Variants in HECTD2 observed in about 807,000 individuals in gnomAD.
HECTD2 encodes probable E3 ubiquitin-protein ligase HECTD2.
Under a neutral mutation model 103.2 loss-of-function variants are expected in HECTD2, and 35 were observed. That is an observed-to-expected ratio of 0.34 (90% CI 0.26 to 0.45). The LOEUF (loss-of-function observed/expected upper bound fraction) is 0.45, where lower values mean the gene tolerates loss of function less well. Among genes scored for constraint, HECTD2 ranks in the 20% least tolerant of loss-of-function variants. HECTD2 has a pLI of 1.00. For missense variants in HECTD2, 596 were observed against 937.4 expected (o/e 0.64, Z 4.76); for synonymous variants, 281 against 329.9 (o/e 0.85, Z 1.61).
At chr10:91,435,431 C>T (rs1010998407) in intron 2 of HECTD2, among the ~76,000 whole-genome samples, 4 of 151,936 alleles carry the variant, frequency 2.6e-5, no homozygotes, top group African/African-American at 9.7e-5. Context: ...CTTCATGACC[C>T]CGCTGGCAAG....
At chr10:91,419,086 G>GC (rs1843247476) in intron 1 of HECTD2, among the ~76,000 whole-genome samples, 1 of 152,106 alleles carries the variant, frequency 6.6e-6, no homozygotes, top group South Asian at 2.1e-4. Flanking sequence ...GGAACAGCCA[G>GC]CACTTACTCC....
chr10:91,410,273 C>G (rs1842855428), upstream of HECTD2: 1 of 180,312 alleles, frequency 5.5e-6, no homozygotes, highest in Non-Finnish European at 1.1e-5. Flanking sequence ...CGGCCTCGGG[C>G]TCGCGCGCAA....
intron 3 of HECTD2, 113 bp from the exon 4 acceptor site, chr10:91,461,137 ATTTC>A (rs1247641600): frequency 7.6e-6 from 4 of 524,422 alleles, no homozygotes; most frequent in African/African-American, 4.1e-5. Context: ...ACTGGGACAT[ATTTC>A]TTTATTTGGC....
chr10:91,495,457 A>T, intron 14 of HECTD2, among the ~76,000 whole-genome samples: 1 of 152,006 alleles, frequency 6.6e-6, no homozygotes, highest in East Asian at 1.9e-4. Context: ...TACCCAGCTC[A>T]TATGTTTAGA....
At chr10:91,462,604 A>G in intron 5 of HECTD2, 2 of 1,041,254 alleles carry the variant, frequency 1.9e-6, no homozygotes, top group Non-Finnish European at 2.3e-6. Context: ...ATTTGTAACA[A>G]GTTCCCAGGA....
intron 19 of HECTD2, 37 bp from the exon 20 acceptor site, chr10:91,501,154 A>G: frequency 6.3e-7 from 1 of 1,580,834 alleles, no homozygotes; most frequent in Non-Finnish European, 8.6e-7. Context: ...GATTTTTGTC[A>G]AGACATTTGA....
intron 2 of HECTD2, among the ~76,000 whole-genome samples, chr10:91,426,837 T>G (rs1476249943): frequency 2.6e-5 from 4 of 151,966 alleles, no homozygotes; most frequent in Non-Finnish European, 5.9e-5. Context: ...TTAACCCAAC[T>G]TGAACTTGGG....
At position 91,410,359 on chromosome 10, in the gene HECTD2, C is replaced by G. The variant is rs1842860926; in HGVS notation, c.-80C>G. 1.1e-6 allele frequency: 1 copy of G among 939,826 alleles called. No individual in the cohort carries two copies. Among genetic ancestry groups the G allele is most frequent in the African/African-American group, 1.8e-5 (1 of 56,680 alleles). 58.2% of individuals were successfully genotyped at this position (939,826 alleles called of 1,614,324 possible). ...GCGGCAGCCCAGAGCCCTCTCGCGG[C>G]CGCGGCGGCAGCAGCAGCGCCAGCC... On this transcript the variant is annotated 5_prime_UTR_variant, in exon 1 of 21. Transcript: ENST00000298068.
At chr10:91,508,729 A>G (rs1264981271) in intron 20 of HECTD2, among the ~76,000 whole-genome samples, 5 of 150,382 alleles carry the variant, frequency 3.3e-5, no homozygotes, top group Admixed American at 3.3e-4. Context: ...TTCCTCAGGG[A>G]TCTAGAACTA....
At chr10:91,422,760 C>T (rs554861805) in intron 1 of HECTD2, among the ~76,000 whole-genome samples, 8 of 152,114 alleles carry the variant, frequency 5.3e-5, no homozygotes, top group Non-Finnish European at 1.2e-4. Flanking sequence ...TCTTACCTCT[C>T]TTTTCAATTT....
Position 91,462,175 on chromosome 10 carries a change from A to C in HECTD2, c.591A>C (p.Leu197Phe), listed in dbSNP as rs756945924. The C allele has an allele frequency of 6.3e-7, 1 of 1,575,856 alleles. No individual in the cohort carries two copies. Among genetic ancestry groups the C allele is most frequent in the East Asian group, 2.3e-5 (1 of 44,004 alleles). The change falls in exon 5 of 21, where the codon TTA (leucine) becomes TTC (phenylalanine). Residue 197 changes from leucine to phenylalanine, a missense_variant. Coordinates refer to ENST00000298068, the MANE Select transcript of HECTD2 (RefSeq NM_182765.6). ...AKFVNAVYDTLLNTPQDVQKT... is the reference protein window; with the variant it reads ...AKFVNAVYDTFLNTPQDVQKT... ...TTGTGAATGCTGTGTATGATACCTTACTTAATACTGTAAGTATTATGACAT... is the reference window on the plus strand; with the variant it reads ...TTGTGAATGCTGTGTATGATACCTTCCTTAATACTGTAAGTATTATGACAT...
At chr10:91,441,994 C>T (rs1325633340) in intron 2 of HECTD2, among the ~76,000 whole-genome samples, 2 of 68,008 alleles carry the variant, frequency 2.9e-5, no homozygotes, top group Non-Finnish European at 4.6e-5. Context: ...TGAGATGGGT[C>T]TCCTGAATAC....
intron 2 of HECTD2, among the ~76,000 whole-genome samples, chr10:91,457,477 G>C (rs368456855): frequency 2.4e-4 from 37 of 151,966 alleles, no homozygotes; most frequent in African/African-American, 8.9e-4. Flanking sequence ...ATGACCAAAA[G>C]GTCACTCCAG....
intron 16 of HECTD2, 92 bp downstream of exon 16, chr10:91,498,274 G>A (rs960415918): frequency 4.6e-6 from 4 of 872,954 alleles, no homozygotes; most frequent in Non-Finnish European, 7.6e-6. Flanking sequence ...TAGAAAAGAT[G>A]AACAAGGATT....
chr10:91,493,567 A>T, intron 14 of HECTD2, 59 bp downstream of exon 14: 1 of 902,272 alleles, frequency 1.1e-6, no homozygotes, highest in Middle Eastern at 3.0e-4. Flanking sequence ...TAAAGATTTT[A>T]TCTGTATTTT....
intron 20 of HECTD2, 94 bp downstream of exon 20, chr10:91,501,428 T>TGAA: frequency 1.4e-6 from 1 of 704,172 alleles, no homozygotes; most frequent in African/African-American, 1.8e-5. Context: ...GTACTCCGTT[T>TGAA]GAAGTTATTT....
chr10:91,467,989 T>C (rs1845590225), intron 5 of HECTD2, among the ~76,000 whole-genome samples: 1 of 151,562 alleles, frequency 6.6e-6, no homozygotes, highest in African/African-American at 2.4e-5. Context: ...TGCTGCCAGC[T>C]CAAGAGCATG....
At chr10:91,455,787 A>C (rs189985891) in intron 2 of HECTD2, among the ~76,000 whole-genome samples, 64 of 152,284 alleles carry the variant, frequency 4.2e-4, no homozygotes, top group Middle Eastern at 6.8e-3. Flanking sequence ...AGCTTTCTAC[A>C]TATGGCTAGC....
At chr10:91,412,178 A>G (rs1418140256) in intron 1 of HECTD2, among the ~76,000 whole-genome samples, 3 of 152,206 alleles carry the variant, frequency 2.0e-5, no homozygotes, top group African/African-American at 7.2e-5. Flanking sequence ...CCATCTTAAT[A>G]ACTGTAATGA....
Sources: allele counts gnomAD v4.1 joint callset (sites outside exome capture counted in the v4.1 genomes callset), GRCh38; gene constraint gnomAD v4.1.1; transcripts MANE v1.5; gene names NCBI Gene and HGNC (gene_info 2026-07-23, HGNC 2026-07-21).